The following FAM168A variants were observed in gnomAD, a reference collection of about 807,000 sequenced individuals.
The protein encoded by FAM168A is protein FAM168A.
Under a neutral mutation model 28.5 loss-of-function variants are expected in FAM168A, and 3 were observed. The observed-to-expected ratio is 0.11, with a 90% CI of 0.05 to 0.27. The LOEUF (loss-of-function observed/expected upper bound fraction) is 0.27. FAM168A is among the 10% of genes least tolerant of loss of function. The pLI, the probability that FAM168A is intolerant of heterozygous loss-of-function variation, is 1.00. For synonymous variants in FAM168A, 122 were observed against 124.2 expected (o/e 0.98, Z 0.12); for missense variants, 222 against 311.5 (o/e 0.71, Z 2.16).
intron 1 of FAM168A, among the ~76,000 whole-genome samples, chr11:73,543,262 CT>C (rs58715872): frequency 1.5e-3 from 171 of 111,848 alleles, no homozygotes; most frequent in Middle Eastern, 5.0e-3. Flanking sequence ...ATTAATTGTT[CT>C]TTTTTTTTTT....
chr11:73,508,668 G>A (rs1364343074), intron 1 of FAM168A, among the ~76,000 whole-genome samples: 1 of 152,108 alleles, frequency 6.6e-6, no homozygotes, highest in Non-Finnish European at 1.5e-5. Flanking sequence ...CTAGGGGTGT[G>A]TGTGTGTGCA....
chr11:73,543,724 T>C (rs1943687463), intron 1 of FAM168A, among the ~76,000 whole-genome samples: 1 of 152,184 alleles, frequency 6.6e-6, no homozygotes, highest in Non-Finnish European at 1.5e-5. Context: ...GATTAAGCTA[T>C]ATTTATTTCC....
intron 1 of FAM168A, among the ~76,000 whole-genome samples, chr11:73,578,050 T>C (rs1944196453): frequency 6.6e-6 from 1 of 152,192 alleles, no homozygotes; most frequent in African/African-American, 2.4e-5. Context: ...GAAAGCTTGC[T>C]GGTAATACTG....
intron 1 of FAM168A, among the ~76,000 whole-genome samples, chr11:73,519,322 T>G (rs764821743): frequency 3.9e-5 from 6 of 152,182 alleles, no homozygotes; most frequent in Non-Finnish European, 5.9e-5. Context: ...TCATTCAGGC[T>G]TTCAACAAAT....
chr11:73,402,922 A>G lies in FAM168A; in HGVS notation c.*3841T>C, dbSNP rs1366280355. The stretch of plus-strand genomic sequence containing the variant: ...CTCAGAGACTGGGCTTCCCAGCTCT[A>G]TAAAGTACAGTTAGCCCCTCCCTCC... On this transcript the variant is annotated 3_prime_UTR_variant, in exon 8 of 8. Transcript: ENST00000356467. 6.6e-6 allele frequency: 1 copy of G among 152,214 alleles called. No homozygotes were observed. The highest frequency in any genetic ancestry group is 6.5e-5 in the Admixed American group (1 of 15,278). 9.4% of individuals were successfully genotyped at this position (152,214 alleles called of 1,614,324 possible). A position where few individuals can be genotyped will look rare whatever the true frequency, so the allele number is the denominator to read the frequency against.
At chr11:73,540,733 TA>T (rs1943642950) in intron 1 of FAM168A, among the ~76,000 whole-genome samples, 1 of 152,216 alleles carries the variant, frequency 6.6e-6, no homozygotes, top group African/African-American at 2.4e-5. Context: ...TATCTTGCTT[TA>T]TTTTTTATTA....
At chr11:73,419,293 A>C (rs572360157) in intron 4 of FAM168A, among the ~76,000 whole-genome samples, 1 of 152,362 alleles carries the variant, frequency 6.6e-6, no homozygotes, top group East Asian at 1.9e-4. Flanking sequence ...TTGGTCCCAC[A>C]GTGCAGCTTG....
intron 1 of FAM168A, among the ~76,000 whole-genome samples, chr11:73,481,505 C>A (rs758805018): frequency 2.0e-5 from 3 of 152,140 alleles, no homozygotes; most frequent in African/African-American, 7.2e-5. Context: ...TTCTATAACA[C>A]CCCCACATAT....
rs543195813 is a variant in FAM168A, at chr11:73,521,662, C to A, written c.-18-53170G>T. Among the ~76,000 whole-genome samples the A allele has an allele frequency of 7.2e-5, 11 of 152,066 alleles. 1 individual carries two copies. The South Asian group carries it at 2.3e-3, about 32-fold the overall frequency. On this transcript the variant is annotated intron_variant, in intron 1 of 7. Transcript: ENST00000356467. ...CAAAGAAAACACAGGGAGCTTGCAG[C>A]TAATGTCTGAGAAGAAGAATGCTTT...
At chr11:73,420,120 C>T (rs1866766525) in intron 3 of FAM168A, 121 bp from the exon 4 acceptor site, 1 of 1,173,646 alleles carries the variant, frequency 8.5e-7, no homozygotes, top group Non-Finnish European at 1.2e-6. Context: ...CCTGTTCAGA[C>T]ACATGGGATG....
intron 1 of FAM168A, among the ~76,000 whole-genome samples, chr11:73,510,077 T>C (rs961637686): frequency 5.9e-5 from 9 of 152,166 alleles, no homozygotes; most frequent in African/African-American, 2.2e-4. Context: ...CGTCTGTTTC[T>C]CCCCCATGAA....
At position 73,406,038 on chromosome 11, in the gene FAM168A, G is replaced by A. The variant is rs982045815; in HGVS notation, c.*725C>T. The A allele has an allele frequency of 6.6e-6, 1 of 152,614 alleles. No individual in the cohort carries two copies. The highest frequency in any genetic ancestry group is 2.4e-5 in the African/African-American group (1 of 41,438). 9.5% of individuals were successfully genotyped at this position (152,614 alleles called of 1,614,324 possible). A position where few individuals can be genotyped will look rare whatever the true frequency, so the allele number is the denominator to read the frequency against. ...TCCAGGGCCAGATGCTTTGGCCAGA[G>A]ACCTTTCAAACCAAAGCCATGAGGC... On this transcript the variant is annotated 3_prime_UTR_variant, in exon 8 of 8. Transcript: ENST00000356467.
At chr11:73,502,882 A>G (rs1295831414) in intron 1 of FAM168A, among the ~76,000 whole-genome samples, 1 of 152,244 alleles carries the variant, frequency 6.6e-6, no homozygotes, top group Non-Finnish European at 1.5e-5. Context: ...TCACATAAAC[A>G]GATCCAAAGA....
chr11:73,557,051 G>A (rs188401034), intron 1 of FAM168A, among the ~76,000 whole-genome samples: 8 of 151,778 alleles, frequency 5.3e-5, no homozygotes, highest in African/African-American at 1.7e-4. Context: ...AGGAAAAAAA[G>A]CAATGGGAAA....
At chr11:73,430,468 G>A (rs1484115799) in intron 3 of FAM168A, 5 of 500,206 alleles carry the variant, frequency 1.0e-5, no homozygotes, top group African/African-American at 7.9e-5. Flanking sequence ...GGACAGATGA[G>A]CCAACCTTAA....
At chr11:73,580,275 G>GA in intron 1 of FAM168A, 1 of 560,894 alleles carries the variant, frequency 1.8e-6, no homozygotes, top group Non-Finnish European at 3.5e-6. Flanking sequence ...GGCTGAAGGG[G>GA]ATGCTAAAGG....
rs1407916923 is a variant in FAM168A, at chr11:73,442,975, T to G, written c.71-12205A>C. Among the ~76,000 whole-genome samples, 7 of 118,002 alleles carry G rather than the reference T, an allele frequency of 5.9e-5. No individual in the cohort carries two copies. In the East Asian group the frequency reaches 1.7e-3, roughly 28 times the overall value. 77.4% of individuals were successfully genotyped at this position (118,002 alleles called of 152,430 possible). ...CAAAGGATATATATATATATATATA[T>G]ATATATATATATATATATATATGCC... On this transcript the variant is annotated intron_variant, in intron 2 of 7. Transcript: ENST00000356467.
chr11:73,467,564 T>C (rs1867754543), intron 2 of FAM168A, among the ~76,000 whole-genome samples: 1 of 152,182 alleles, frequency 6.6e-6, no homozygotes, highest in Non-Finnish European at 1.5e-5. Flanking sequence ...TAAATCTTGA[T>C]GCAAATCAAT....
chr11:73,462,889 GGAGAAGAGAA>G (rs957922094), intron 2 of FAM168A, among the ~76,000 whole-genome samples: 1 of 146,782 alleles, frequency 6.8e-6, no homozygotes, highest in East Asian at 2.0e-4. Context: ...AGAGAGGAGA[GGAGAAGAGAA>G]GAGAAGAGAG....
Sources: allele counts gnomAD v4.1 joint callset (sites outside exome capture counted in the v4.1 genomes callset), GRCh38; gene constraint gnomAD v4.1.1; transcripts MANE v1.5; gene names NCBI Gene and HGNC (gene_info 2026-07-23, HGNC 2026-07-21).